Variants in TLL1 observed in about 807,000 individuals in gnomAD.
The protein encoded by TLL1 is tolloid-like protein 1.
Under a neutral mutation model 128.2 loss-of-function variants are expected in TLL1, and 49 were observed. The ratio of observed to expected loss-of-function variants is 0.38; its 90% CI spans 0.30 to 0.48. The LOEUF (loss-of-function observed/expected upper bound fraction) is 0.48, where lower values mean the gene tolerates loss of function less well. TLL1 is among the 20% of genes least tolerant of loss of function. The pLI is 0.96. For missense variants in TLL1, 1,123 were observed against 1,242.0 expected (o/e 0.90, Z 1.44); for synonymous variants, 454 against 418.8 (o/e 1.08, Z -1.03).
At chr4:166,057,918 G>A (rs1038428431) in intron 14 of TLL1, among the ~76,000 whole-genome samples, 7 of 152,006 alleles carry the variant, frequency 4.6e-5, no homozygotes, top group Non-Finnish European at 8.8e-5. Context: ...ATGAGATTTG[G>A]GTGGGGACAC....
intron 1 of TLL1, among the ~76,000 whole-genome samples, chr4:165,979,659 G>A (rs1403752321): frequency 2.0e-5 from 3 of 152,144 alleles, no homozygotes; most frequent in Non-Finnish European, 4.4e-5. Flanking sequence ...ATGGTGCTGT[G>A]CGCCTGTACT....
At chr4:165,912,622 A>C (rs776305404) in intron 1 of TLL1, among the ~76,000 whole-genome samples, 2 of 152,240 alleles carry the variant, frequency 1.3e-5, no homozygotes, top group Non-Finnish European at 2.9e-5. Flanking sequence ...ATCCCTGCCC[A>C]TGTGATAGCT....
At chr4:165,975,530 T>C (rs1344051303) in intron 1 of TLL1, among the ~76,000 whole-genome samples, 1 of 152,186 alleles carries the variant, frequency 6.6e-6, no homozygotes, top group Non-Finnish European at 1.5e-5. Flanking sequence ...AAAGAAATAA[T>C]GTCTTCCAGC....
At chr4:166,009,662 G>T (rs1472403310) in intron 7 of TLL1, among the ~76,000 whole-genome samples, 1 of 151,292 alleles carries the variant, frequency 6.6e-6, no homozygotes, top group Non-Finnish European at 1.5e-5. Flanking sequence ...CCTGTTAGAA[G>T]GATAGCCTGA....
chr4:166,025,518 T>C (rs1738456988), intron 9 of TLL1, 87 bp downstream of exon 9: 1 of 1,102,610 alleles, frequency 9.1e-7, no homozygotes. Flanking sequence ...CTTTATCCTT[T>C]ATTCTTGTTT....
chr4:166,057,574 TACAG>T (rs1393449539), intron 14 of TLL1, among the ~76,000 whole-genome samples: 2 of 152,060 alleles, frequency 1.3e-5, no homozygotes, highest in Non-Finnish European at 2.9e-5. Context: ...ACGCTGCTAA[TACAG>T]ACACATTAGC....
intron 1 of TLL1, among the ~76,000 whole-genome samples, chr4:165,887,170 A>G (rs184531049): frequency 1.1e-4 from 16 of 152,330 alleles, no homozygotes; most frequent in Non-Finnish European, 2.2e-4. Context: ...CTGAAAATCT[A>G]AAGCAGATCA....
At chr4:166,047,254 T>A (rs1739496787) in intron 12 of TLL1, among the ~76,000 whole-genome samples, 1 of 151,670 alleles carries the variant, frequency 6.6e-6, no homozygotes, top group South Asian at 2.1e-4. Flanking sequence ...AACCTCCACC[T>A]CCCAGGTTCA....
In TLL1 at chr4:165,921,097, T is replaced by C. The variant is rs374009306; in HGVS notation, c.169+47024T>C. On this transcript the variant is annotated intron_variant, in intron 1 of 20. Transcript: ENST00000061240. ...CCCCTTTTTACTACAGTGTCATTTA[T>C]GTTCTCTCAGCATCAGACCTGATAA... Among the ~76,000 whole-genome samples the C allele has an allele frequency of 2.0e-5, 3 of 152,224 alleles. No individual in the cohort carries two copies. In the East Asian group the frequency reaches 5.8e-4, roughly 29 times the overall value.
Position 166,065,878 on chromosome 4 carries a change from A to G in TLL1, c.2188+15A>G, listed in dbSNP as rs753665376. 7 of 1,584,746 alleles carry G rather than the reference A, an allele frequency of 4.4e-6. No individual in the cohort carries two copies. Among genetic ancestry groups the G allele is most frequent in the African/African-American group, 4.4e-5 (3 of 68,462 alleles). On this transcript the variant is annotated intron_variant, in intron 16 of 20. Transcript: ENST00000061240. ...TTTTTTCTCAGGTATAAGCATTCACATGTTGTATGTGTATATTACAGATTT... is the reference window on the plus strand; with the variant it reads ...TTTTTTCTCAGGTATAAGCATTCACGTGTTGTATGTGTATATTACAGATTT...
chr4:165,909,160 C>G (rs1732408504), intron 1 of TLL1, among the ~76,000 whole-genome samples: 2 of 151,770 alleles, frequency 1.3e-5, no homozygotes, highest in Non-Finnish European at 2.9e-5. Context: ...GCACTCCAGT[C>G]TGGGTGACAG....
intron 15 of TLL1, among the ~76,000 whole-genome samples, chr4:166,063,803 G>A (rs2111123168): frequency 6.6e-6 from 1 of 152,166 alleles, no homozygotes; most frequent in South Asian, 2.1e-4. Context: ...AGAACACTTG[G>A]ATACAGGGTG....
At chr4:165,938,728 T>C (rs1232970514) in intron 1 of TLL1, among the ~76,000 whole-genome samples, 1 of 151,966 alleles carries the variant, frequency 6.6e-6, no homozygotes, top group East Asian at 1.9e-4. Context: ...TACCTTTGGC[T>C]CCTGCCAACC....
intron 18 of TLL1, among the ~76,000 whole-genome samples, chr4:166,082,594 A>C (rs190671117): frequency 6.6e-6 from 1 of 152,154 alleles, no homozygotes; most frequent in Non-Finnish European, 1.5e-5. Context: ...TAATACAGGA[A>C]ATTTCATCAA....
intron 1 of TLL1, among the ~76,000 whole-genome samples, chr4:165,958,825 T>G (rs1734945309): frequency 1.4e-5 from 2 of 147,968 alleles, no homozygotes; most frequent in Admixed American, 6.8e-5. Context: ...GGTTTTCTTC[T>G]AGGGTTTTTA....
intron 13 of TLL1, 47 bp downstream of exon 13, chr4:166,055,318 A>T: frequency 6.5e-7 from 1 of 1,541,644 alleles, no homozygotes; most frequent in Non-Finnish European, 9.0e-7. Flanking sequence ...TATCAAGGAT[A>T]CTTGTAGTGT....
chr4:165,980,094 T>A (rs1579576600), intron 1 of TLL1, among the ~76,000 whole-genome samples: 1 of 152,132 alleles, frequency 6.6e-6, no homozygotes, highest in South Asian at 2.1e-4. Context: ...ATATAAGTAA[T>A]CTTCCTTGTT....
chr4:166,031,054 T>C, intron 9 of TLL1: 1 of 878,262 alleles, frequency 1.1e-6, no homozygotes, highest in Non-Finnish European at 1.4e-6. Context: ...TTAATACCCA[T>C]GTAAAATGAA....
intron 1 of TLL1, among the ~76,000 whole-genome samples, chr4:165,958,732 A>C (rs1391763923): frequency 1.4e-5 from 2 of 144,096 alleles, no homozygotes; most frequent in East Asian, 4.1e-4. Context: ...CCCATTTGTC[A>C]ATTTTGTCTT....
Sources: allele counts gnomAD v4.1 joint callset (sites outside exome capture counted in the v4.1 genomes callset), GRCh38; gene constraint gnomAD v4.1.1; transcripts MANE v1.5; gene names NCBI Gene and HGNC (gene_info 2026-07-23, HGNC 2026-07-21).